PCDHGA2: variants seen among roughly 807,000 people sequenced by gnomAD.
The protein encoded by PCDHGA2 is protocadherin gamma-A2.
In PCDHGA2, 40 loss-of-function variants were observed where a neutral mutation model predicts 59.2. That is an observed-to-expected ratio of 0.68 (90% CI 0.52 to 0.88). The LOEUF is 0.88. Among genes scored for constraint, PCDHGA2 ranks in the 40% least tolerant of loss-of-function variants. PCDHGA2 has a pLI of 0.00. For missense variants in PCDHGA2, 1,226 were observed against 1,204.0 expected (o/e 1.02, Z -0.27); for synonymous variants, 560 against 526.0 (o/e 1.06, Z -0.89).
chr5:141,399,522 C>T, intron 1 of PCDHGA2: 6 of 1,614,056 alleles, frequency 3.7e-6, no homozygotes, highest in Non-Finnish European at 5.1e-6. Flanking sequence ...CTCCTGGGGC[C>T]TCCATCGCGC....
intron 1 of PCDHGA2, chr5:141,415,512 T>C (rs997659180): frequency 1.9e-6 from 3 of 1,614,234 alleles, no homozygotes; most frequent in Non-Finnish European, 2.5e-6. Context: ...AGCCCAATTA[T>C]GCGGACACGC....
rs771088007 is a variant in PCDHGA2, at chr5:141,423,000, G to A, written c.2425-71807G>A. On this transcript the variant is annotated intron_variant, in intron 1 of 3. Transcript: ENST00000394576. ...CGGAACCTGGCTACCTGGTGACCAA[G>A]GTGGTTGCGGTGGACAAAGATTCAG... The A allele has an allele frequency of 9.3e-6, 15 of 1,614,116 alleles. No homozygotes were observed. The African/African-American group carries it at 1.9e-4, about 20-fold the overall frequency.
intron 1 of PCDHGA2, chr5:141,370,342 A>G (rs968653011): frequency 1.3e-5 from 19 of 1,475,912 alleles, no homozygotes; most frequent in Non-Finnish European, 1.7e-5. Flanking sequence ...TCTTGGGATT[A>G]TTTAAAGATC....
At chr5:141,447,647 T>C (rs1338920727) in intron 1 of PCDHGA2, among the ~76,000 whole-genome samples, 1 of 152,092 alleles carries the variant, frequency 6.6e-6, no homozygotes, top group African/African-American at 2.4e-5. Flanking sequence ...GATGGTAGAA[T>C]TTTCCCCCCC....
At chr5:141,420,625 T>C (rs1440415745) in intron 1 of PCDHGA2, among the ~76,000 whole-genome samples, 1 of 152,242 alleles carries the variant, frequency 6.6e-6, no homozygotes, top group Non-Finnish European at 1.5e-5. Flanking sequence ...CTTCATTTAC[T>C]CAATAAAGGA....
chr5:141,418,105 G>A lies in PCDHGA2; in HGVS notation c.2425-76702G>A, dbSNP rs971913143. On this transcript the variant is annotated intron_variant, in intron 1 of 3. Transcript: ENST00000394576. ...ACTTCAGCGTAGACGCGCAGAGCGG[G>A]GACTTACTTGTGAAGGACCGAATAG... 5 of 1,614,062 alleles carry A rather than the reference G, an allele frequency of 3.1e-6. No homozygotes were observed. The East Asian group carries it at 8.9e-5, about 29-fold the overall frequency.
intron 1 of PCDHGA2, chr5:141,371,109 C>T: frequency 6.2e-7 from 1 of 1,613,836 alleles, no homozygotes; most frequent in South Asian, 1.1e-5. Flanking sequence ...AAATGATAAC[C>T]CCCCAGTATT....
intron 2 of PCDHGA2, among the ~76,000 whole-genome samples, chr5:141,500,428 C>G (rs1224554560): frequency 6.6e-6 from 1 of 151,836 alleles, no homozygotes; most frequent in African/African-American, 2.4e-5. Context: ...CCAGGATGGT[C>G]TCGATCTCCT....
intron 1 of PCDHGA2, chr5:141,420,293 A>G: frequency 1.3e-6 from 2 of 1,485,602 alleles, no homozygotes; most frequent in Non-Finnish European, 9.1e-7. Context: ...TTAAAAATGT[A>G]TTTAATCCTT....
At chr5:141,446,035 A>G (rs1300621298) in intron 1 of PCDHGA2, among the ~76,000 whole-genome samples, 1 of 152,222 alleles carries the variant, frequency 6.6e-6, no homozygotes, top group Non-Finnish European at 1.5e-5. Context: ...CTGGTAAGAA[A>G]TGGAAGAAGA....
chr5:141,442,321 C>G (rs1323525940), intron 1 of PCDHGA2: 1 of 152,360 alleles, frequency 6.6e-6, no homozygotes, highest in African/African-American at 2.4e-5. Context: ...ATGTCTATCC[C>G]GCGCTAAGCC....
At chr5:141,409,967 AC>A (rs779248187) in intron 1 of PCDHGA2, 29 of 1,613,086 alleles carry the variant, frequency 1.8e-5, no homozygotes, top group Non-Finnish European at 2.4e-5. Flanking sequence ...CTACCTAGTG[AC>A]TAAGGTGGTA....
At chr5:141,403,039 T>A (rs989723883) in intron 1 of PCDHGA2, 64 of 1,614,050 alleles carry the variant, frequency 4.0e-5, no homozygotes, top group Non-Finnish European at 5.4e-5. Context: ...CCAGGGCCAG[T>A]CAGATTCGCT....
At chr5:141,353,116 T>C (rs1355584798) in intron 1 of PCDHGA2, among the ~76,000 whole-genome samples, 13 of 152,218 alleles carry the variant, frequency 8.5e-5, no homozygotes, top group Non-Finnish European at 7.3e-5. Context: ...TGGAGATTGC[T>C]TTCTTGATTG....
At chr5:141,411,881 G>T (rs1299555823) in intron 1 of PCDHGA2, 2 of 152,114 alleles carry the variant, frequency 1.3e-5, no homozygotes, top group Middle Eastern at 3.2e-3. Flanking sequence ...ACATTTCTAA[G>T]AAATAAATGA....
At chr5:141,344,009 G>A in intron 1 of PCDHGA2, 1 of 1,509,776 alleles carries the variant, frequency 6.6e-7, no homozygotes, top group Non-Finnish European at 8.9e-7. Context: ...ACCGAATTCA[G>A]AGAAAGCGAT....
chr5:141,446,138 T>C (rs1254949926), intron 1 of PCDHGA2, among the ~76,000 whole-genome samples: 1 of 152,208 alleles, frequency 6.6e-6, no homozygotes, highest in African/African-American at 2.4e-5. Context: ...GACTTAATAA[T>C]GGAATAGGTG....
chr5:141,435,733 T>C (rs950139563), intron 1 of PCDHGA2, among the ~76,000 whole-genome samples: 12 of 152,208 alleles, frequency 7.9e-5, no homozygotes, highest in African/African-American at 2.7e-4. Context: ...AGTGTATTAC[T>C]CTTTGAAAAG....
intron 1 of PCDHGA2, chr5:141,422,184 A>T: frequency 6.4e-7 from 1 of 1,561,838 alleles, no homozygotes; most frequent in Non-Finnish European, 8.6e-7. Context: ...ATGAGATGGA[A>T]ATTCAAGGCC....
Sources: allele counts gnomAD v4.1 joint callset (sites outside exome capture counted in the v4.1 genomes callset), GRCh38; gene constraint gnomAD v4.1.1; transcripts MANE v1.5; gene names NCBI Gene and HGNC (gene_info 2026-07-23, HGNC 2026-07-21).